The following MYH14 variants were observed in gnomAD, a reference collection of about 807,000 sequenced individuals.
MYH14 encodes the protein myosin heavy chain 14, also known as myosin-14.
MYH14 carries 123 observed loss-of-function variants against 255.5 expected under a neutral mutation model. The observed-to-expected ratio is 0.48, with a 90% CI of 0.42 to 0.56. The LOEUF is 0.56. Ranked by LOEUF, MYH14 falls within the 20% of genes least tolerant of loss-of-function variation. The pLI is 0.00. For missense variants in MYH14, 2,423 were observed against 2,802.3 expected, an observed-to-expected ratio of 0.86 and a Z score of 3.06; for synonymous variants, 1,095 against 1,161.2, an observed-to-expected ratio of 0.94 and a Z score of 1.16.
At position 50,276,987 on chromosome 19, in the gene MYH14, T is replaced by C; in HGVS notation, c.3825+86T>C. 3 of 1,048,904 alleles carry C rather than the reference T, an allele frequency of 2.9e-6. No individual in the cohort carries two copies. Among genetic ancestry groups the C allele is most frequent in the Non-Finnish European group, 4.2e-6 (3 of 720,068 alleles). The allele number at this position is 1,048,904 out of a possible 1,614,324, so 65.0% of individuals were successfully genotyped here. On this transcript the variant is annotated intron_variant, in intron 29 of 42. Transcript: ENST00000642316. The surrounding 1 kb of genome is among the most constrained non-coding windows in gnomAD (Gnocchi z 4.3). ...GTTGGAGGAGGTACCGCTGGCTGGT[T>C]CTAGGCTAGCTCATCTCCCTGGGCC...
At chr19:50,299,134 T>G (rs750507867) in intron 39 of MYH14, among the ~76,000 whole-genome samples, 2 of 151,612 alleles carry the variant, frequency 1.3e-5, no homozygotes, top group Non-Finnish European at 2.9e-5. Context: ...AAGAATAAAG[T>G]CCCTGGACAC....
rs1170305564 is a variant in MYH14, at chr19:50,251,563, C to T, written c.1830+875C>T. The stretch of plus-strand genomic sequence containing the variant: ...ACACACACACACACACACACACACA[C>T]ACACACATATATATATGTATTTTTT... On this transcript the variant is annotated intron_variant, in intron 15 of 42. Transcript: ENST00000642316. Among the ~76,000 whole-genome samples, 202 of 104,082 alleles carry T rather than the reference C, an allele frequency of 1.9e-3. 1 individual carries two copies. Among genetic ancestry groups the T allele is most frequent in the African/African-American group, 6.6e-3 (182 of 27,472 alleles). 68.3% of individuals were successfully genotyped at this position (104,082 alleles called of 152,430 possible). A position where few individuals can be genotyped will look rare whatever the true frequency, so the allele number is the denominator to read the frequency against.
At chr19:50,247,776 G>A (rs2034189110) in intron 12 of MYH14, among the ~76,000 whole-genome samples, 1 of 151,764 alleles carries the variant, frequency 6.6e-6, no homozygotes, top group African/African-American at 2.4e-5. Context: ...CATTAAGCAG[G>A]TCAGTGAGGC....
intron 35 of MYH14, among the ~76,000 whole-genome samples, chr19:50,290,340 C>T (rs1008787269): frequency 5.9e-5 from 9 of 152,202 alleles, no homozygotes; most frequent in South Asian, 2.1e-4. Flanking sequence ...CTCCCTGCAT[C>T]GTTCATTCAT....
intron 16 of MYH14, among the ~76,000 whole-genome samples, chr19:50,254,156 G>A (rs765997531): frequency 2.0e-4 from 30 of 151,646 alleles, no homozygotes; most frequent in Middle Eastern, 3.4e-3. Flanking sequence ...GGTGGAGGTT[G>A]TGGTGAGCCG....
chr19:50,267,720 G>A (rs1168820903), intron 23 of MYH14, among the ~76,000 whole-genome samples: 1 of 152,062 alleles, frequency 6.6e-6, no homozygotes, highest in Non-Finnish European at 1.5e-5. Flanking sequence ...TACATTTTAG[G>A]TATGAAATGT....
At chr19:50,240,713 G>A (rs566550563) in intron 10 of MYH14, among the ~76,000 whole-genome samples, 3 of 152,126 alleles carry the variant, frequency 2.0e-5, no homozygotes, top group Non-Finnish European at 2.9e-5. Flanking sequence ...AAGTGAGGAG[G>A]ACTTCTTGAG....
rs1398961110 is a variant in MYH14, at chr19:50,230,570, G to A, written c.920G>A (p.Cys307Tyr). ...GCCATCCGCCAGGCCAAGGACGAGT[G>A]CAGCTTCCACATCTTCTACCAGCTG... ...SRAIRQAKDE[C>Y]SFHIFYQLLG... Residue 307 changes from cysteine (C) to tyrosine (Y), a missense_variant, in exon 9 of 43, where the codon TGC becomes TAC. This residue lies in a region of MYH14 where 672 missense variants were observed against 881.8 expected (regional missense o/e 0.76). Coordinates refer to ENST00000642316, the MANE Select transcript of MYH14 (RefSeq NM_001145809.2). The surrounding 1 kb of genome is among the most constrained non-coding windows in gnomAD (Gnocchi z 4.7). 1.3e-6 allele frequency: 2 copies of A among 1,572,202 alleles called. No homozygotes were observed. The highest frequency in any genetic ancestry group is 2.4e-5 in the East Asian group (1 of 42,524).
chr19:50,224,305 C>A, intron 6 of MYH14, 128 bp downstream of exon 6: 1 of 1,228,988 alleles, frequency 8.1e-7, no homozygotes, highest in Non-Finnish European at 1.2e-6. Flanking sequence ...CCCTCTGCCC[C>A]ACCACTGCTA....
chr19:50,263,057 G>A (rs546751841), intron 21 of MYH14, among the ~76,000 whole-genome samples: 3 of 152,106 alleles, frequency 2.0e-5, no homozygotes, highest in East Asian at 1.9e-4. Context: ...AAAATTAGCC[G>A]AGTGTTGTGG....
chr19:50,272,657 G>A lies in MYH14; in HGVS notation c.3393G>A (p.Glu1131=). The A allele has an allele frequency of 6.4e-7, 1 of 1,561,220 alleles. No individual in the cohort carries two copies. The highest frequency in any genetic ancestry group is 8.7e-7 in the Non-Finnish European group (1 of 1,153,366). ...CAGAGCTGCAGGAGCAGATGGTGGA[G>A]CAGCAACAGCGGGCAGAGGAGCTGC... The part of the protein sequence containing the change: ...ESSELQEQMV[E]QQQRAEELRA... The change falls in exon 27 of 43, where the codon GAG becomes GAA. Residue 1131 remains glutamate (E), a synonymous_variant. Coordinates refer to ENST00000642316, the MANE Select transcript of MYH14 (RefSeq NM_001145809.2).
chr19:50,245,668 G>T (rs745809154), intron 11 of MYH14, among the ~76,000 whole-genome samples: 1 of 152,042 alleles, frequency 6.6e-6, no homozygotes, highest in Non-Finnish European at 1.5e-5. Flanking sequence ...AATCCGATGG[G>T]CTCATTTCTG....
intron 10 of MYH14, among the ~76,000 whole-genome samples, chr19:50,239,810 A>G (rs2033818891): frequency 1.3e-5 from 2 of 151,808 alleles, no homozygotes; most frequent in Non-Finnish European, 2.9e-5. Context: ...CAGCCTCCCA[A>G]AGTGCTGGGA....
At chr19:50,287,044 G>A (rs1264946654) in intron 34 of MYH14, among the ~76,000 whole-genome samples, 2 of 152,152 alleles carry the variant, frequency 1.3e-5, no homozygotes, top group Admixed American at 1.3e-4. Context: ...CTTGAATTCA[G>A]GAGGGAGAGG....
chr19:50,223,308 G>A lies in MYH14; in HGVS notation c.652G>A (p.Val218Met), dbSNP rs748472752. The change falls in exon 5 of 43, where the codon GTG (valine) becomes ATG (methionine). Residue 218 changes from valine to methionine, a missense_variant. Val to Met is a conservative substitution (Grantham distance 21). Around this residue, in one of 3 missense-constraint regions of MYH14, gnomAD observed 672 missense variants for 881.8 expected, o/e 0.76. Transcript: ENST00000642316. ...GAAGGTCATCCAGTACCTCGCCCAC[G>A]TGGCGTCGTCTCCAAAGGGCAGGAA... is the stretch of plus-strand genomic sequence containing the variant. Reference protein sequence around the residue: ...TKKVIQYLAHVASSPKGRKEP... With the variant: ...TKKVIQYLAHMASSPKGRKEP... 88 of 1,598,802 alleles carry A rather than the reference G, an allele frequency of 5.5e-5. 2 individuals are homozygous for A. The South Asian group carries it at 9.0e-4, about 16-fold the overall frequency.
intron 25 of MYH14, 62 bp downstream of exon 25, chr19:50,271,608 G>T (rs2035305018): frequency 1.3e-6 from 2 of 1,566,460 alleles, no homozygotes; most frequent in Admixed American, 3.8e-5. Context: ...TTAATGAATG[G>T]TGAACTTCAC....
At chr19:50,260,783 G>GTGTGTGTGCATGCATA in intron 20 of MYH14, 68 bp downstream of exon 20, 1 of 1,204,276 alleles carries the variant, frequency 8.3e-7, no homozygotes, top group Non-Finnish European at 1.2e-6. Flanking sequence ...GTGCGTGCAT[G>GTGTGTGTGCATGCATA]TGTGTGTGCA....
rs374011867 is a variant in MYH14, at chr19:50,221,080, G to A, written c.563-2003G>A. Among the ~76,000 whole-genome samples the A allele has an allele frequency of 9.9e-5, 15 of 152,040 alleles. No homozygotes were observed. The highest frequency in any genetic ancestry group is 3.6e-4 in the African/African-American group (15 of 41,384). ...CAAAACAGTCATGGTCACACTGGTG[G>A]GTGTATGCTGAGGTGGGATTCGAAC... On this transcript the variant is annotated intron_variant, in intron 3 of 42. Transcript: ENST00000642316. This position sits in a 1 kb window ranked among gnomAD's most constrained non-coding sequence, Gnocchi z 5.3.
At chr19:50,259,317 G>C (rs2034733364) in intron 19 of MYH14, 52 bp downstream of exon 19, 5 of 1,546,974 alleles carry the variant, frequency 3.2e-6, no homozygotes, top group South Asian at 2.4e-5. Context: ...TGGGACCCGG[G>C]TCTGGAAGCC....
Sources: allele counts gnomAD v4.1 joint callset (sites outside exome capture counted in the v4.1 genomes callset), GRCh38; gene constraint gnomAD v4.1.1; regional missense constraint gnomAD v4.1.1; non-coding constraint Gnocchi (gnomAD v3.1); transcripts MANE v1.5; gene names NCBI Gene and HGNC (gene_info 2026-07-23, HGNC 2026-07-21).